The following TTC34 variants were observed in gnomAD, a reference collection of about 807,000 sequenced individuals.
TTC34 encodes the protein tetratricopeptide repeat protein 34.
In TTC34, 44 loss-of-function variants were observed where a neutral mutation model predicts 40.7. That is an observed-to-expected ratio of 1.08 (90% CI 0.85 to 1.39). TTC34 has a LOEUF of 1.39. Among genes scored for constraint, TTC34 ranks in the 40% most tolerant of loss-of-function variants. The pLI is 0.00. For synonymous variants in TTC34, 422 were observed against 398.6 expected, an observed-to-expected ratio of 1.06 and a Z score of -0.70; for missense variants, 884 against 838.0, an observed-to-expected ratio of 1.05 and a Z score of -0.68.
intron 6 of TTC34, among the ~76,000 whole-genome samples, chr1:2,698,915 AGTAGTATCCT>A (rs1640994950): frequency 3.8e-5 from 3 of 79,832 alleles, no homozygotes; most frequent in Admixed American, 1.4e-4. Flanking sequence ...GACAGCCTGG[AGTAGTATCCT>A]GCACCCTCAG....
intron 6 of TTC34, among the ~76,000 whole-genome samples, chr1:2,656,149 C>G (rs1570763000): frequency 1.4e-5 from 2 of 147,002 alleles, no homozygotes; most frequent in African/African-American, 5.0e-5. Flanking sequence ...AGGTGAGCAT[C>G]TGACAGACTG....
chr1:2,799,435 C>T (rs773902878), intron 2 of TTC34, among the ~76,000 whole-genome samples: 3 of 152,106 alleles, frequency 2.0e-5, no homozygotes, highest in East Asian at 1.9e-4. Context: ...CCCAGTTACT[C>T]GGGAGGCTGA....
In TTC34 at chr1:2,700,004, C is replaced by T. The variant is rs566335334; in HGVS notation, c.2227-54441G>A. ...GTGAGCATCTGACAGCCTGGAGCAG[C>T]GTCCACACCCCCAGGTGAGCATCTG... On this transcript the variant is annotated intron_variant, in intron 6 of 8. Transcript: ENST00000401095. Among the ~76,000 whole-genome samples, 132 of 111,360 alleles carry T rather than the reference C, an allele frequency of 1.2e-3. 10 individuals carry two copies. The highest frequency in any genetic ancestry group is 3.2e-3 in the African/African-American group (114 of 35,390). The allele number at this position is 111,360 out of a possible 152,430, so 73.1% of individuals were successfully genotyped here.
chr1:2,749,604 C>T (rs1569686597), intron 6 of TTC34, among the ~76,000 whole-genome samples: 2 of 109,196 alleles, frequency 1.8e-5, no homozygotes, highest in Admixed American at 9.0e-5. Context: ...GCACCCACAC[C>T]CCCAGGTGTG....
chr1:2,784,443 C>A (rs193230909), intron 5 of TTC34, among the ~76,000 whole-genome samples: 6 of 152,278 alleles, frequency 3.9e-5, no homozygotes, highest in Admixed American at 2.6e-4. Context: ...TGACTGTGGG[C>A]AGGCCTGGAT....
intron 6 of TTC34, among the ~76,000 whole-genome samples, chr1:2,756,695 C>A (rs1292812150): frequency 2.3e-3 from 6 of 2,560 alleles, no homozygotes; most frequent in Admixed American, 7.8e-3. Flanking sequence ...AATCCTGGAA[C>A]AGCACCCACA....
Position 2,692,497 on chromosome 1 carries a change from G to C in TTC34, c.2227-46934C>G, listed in dbSNP as rs368941816. ...GAGCATCTGACAGCCTGGAACAGCA[G>C]CCTGCACCCCCAGGTGTGCACGTGA... On this transcript the variant is annotated intron_variant, in intron 6 of 8. Transcript: ENST00000401095. Among the ~76,000 whole-genome samples the C allele has an allele frequency of 7.5e-3, 132 of 17,604 alleles. No homozygotes were observed. The Middle Eastern group carries it at 0.1, about 13-fold the overall frequency. The allele number at this position is 17,604 out of a possible 152,430, so 11.5% of individuals were successfully genotyped here. A position where few individuals can be genotyped will look rare whatever the true frequency, so the allele number is the denominator to read the frequency against.
At chr1:2,644,163 G>A (rs1412127671) in intron 8 of TTC34, 101 bp downstream of exon 8, 7 of 1,233,286 alleles carry the variant, frequency 5.7e-6, no homozygotes, top group Non-Finnish European at 6.7e-6. Flanking sequence ...CAACCCAACC[G>A]CAGAGAGTGA....
chr1:2,652,456 C>A (rs1319330709), intron 6 of TTC34, among the ~76,000 whole-genome samples: 12 of 151,894 alleles, frequency 7.9e-5, no homozygotes, highest in South Asian at 2.1e-4. Flanking sequence ...CCCAGGTGAG[C>A]ATCCGACAGC....
At chr1:2,700,208 AC>A (rs1186873354) in intron 6 of TTC34, among the ~76,000 whole-genome samples, 11 of 54,102 alleles carry the variant, frequency 2.0e-4, no homozygotes, top group African/African-American at 5.3e-4. Context: ...AGCAGCGCCG[AC>A]CCCCCCAGGG....
Position 2,750,943 on chromosome 1 carries a change from G to C in TTC34, c.2226+32666C>G, listed in dbSNP as rs1226429165. Reference sequence around the variant, plus strand: ...CACCCACACCTTCAGGCGAGCATCGGACAGCCTGGAGCAGCACCCACACCC... The same window carrying C: ...CACCCACACCTTCAGGCGAGCATCGCACAGCCTGGAGCAGCACCCACACCC... On this transcript the variant is annotated intron_variant, in intron 6 of 8. Transcript: ENST00000401095. Among the ~76,000 whole-genome samples the C allele has an allele frequency of 4.3e-5, 5 of 115,620 alleles. 1 individual carries two copies. Among genetic ancestry groups the C allele is most frequent in the Non-Finnish European group, 8.5e-5 (5 of 59,040 alleles). 75.9% of individuals were successfully genotyped at this position (115,620 alleles called of 152,430 possible).
intron 6 of TTC34, among the ~76,000 whole-genome samples, chr1:2,752,133 C>G (rs1403455881): frequency 3.9e-5 from 4 of 103,076 alleles, no homozygotes; most frequent in South Asian, 3.5e-4. Flanking sequence ...CCCACGCCCC[C>G]AGGTGCGCAT....
At chr1:2,788,633 A>G (rs1366507893) in intron 3 of TTC34, among the ~76,000 whole-genome samples, 1 of 152,238 alleles carries the variant, frequency 6.6e-6, no homozygotes, top group African/African-American at 2.4e-5. Context: ...ATGAGCATCA[A>G]GGGTGAGTGG....
At chr1:2,764,160 C>A (rs1377998800) in intron 6 of TTC34, among the ~76,000 whole-genome samples, 1 of 145,170 alleles carries the variant, frequency 6.9e-6, no homozygotes, top group South Asian at 2.2e-4. Flanking sequence ...GAGAATCTGA[C>A]GCATAAAACA....
At chr1:2,643,561 A>C (rs2100986836) in intron 8 of TTC34, among the ~76,000 whole-genome samples, 1 of 151,574 alleles carries the variant, frequency 6.6e-6, no homozygotes, top group Admixed American at 6.6e-5. Context: ...GGAAACGCCC[A>C]GTCCCTCTGG....
chr1:2,686,546 G>A (rs1640358050), intron 6 of TTC34, among the ~76,000 whole-genome samples: 2 of 129,908 alleles, frequency 1.5e-5, no homozygotes, highest in African/African-American at 3.1e-5. Context: ...CTGACAGCCT[G>A]GAACAGCACG....
intron 6 of TTC34, among the ~76,000 whole-genome samples, chr1:2,750,492 T>C (rs1641280370): frequency 7.1e-5 from 9 of 127,516 alleles, no homozygotes; most frequent in Admixed American, 1.6e-4. Context: ...CACCCCCAGT[T>C]GAGCATTGGA....
chr1:2,681,122 C>A (rs1318511356), intron 6 of TTC34, among the ~76,000 whole-genome samples: 1 of 98,538 alleles, frequency 1.0e-5, no homozygotes, highest in Non-Finnish European at 2.3e-5. Flanking sequence ...GAGCATCTGA[C>A]AGCGTGGAGC....
intron 6 of TTC34, among the ~76,000 whole-genome samples, chr1:2,683,302 A>C (rs1290714203): frequency 8.2e-4 from 85 of 103,700 alleles, no homozygotes; most frequent in East Asian, 1.6e-3. Context: ...CCTGGAACAG[A>C]ATCCACACCC....
Sources: gnomAD v4.1 joint callset for allele counts (sites outside exome capture counted in the v4.1 genomes callset) on GRCh38, gnomAD v4.1.1 for gene constraint, MANE v1.5 for transcripts, NCBI Gene and HGNC (gene_info 2026-07-23, HGNC 2026-07-21) for gene names.